CSRP3: variants seen among roughly 807,000 people sequenced by gnomAD.
The protein encoded by CSRP3 is cysteine and glycine rich protein 3, also known as cysteine and glycine-rich protein 3.
In CSRP3, 24 loss-of-function variants were observed where a neutral mutation model predicts 24.3. The ratio of observed to expected loss-of-function variants is 0.99; its 90% CI spans 0.71 to 1.39. The LOEUF (loss-of-function observed/expected upper bound fraction) is 1.39. Among genes scored for constraint, CSRP3 ranks in the 40% most tolerant of loss-of-function variants. CSRP3 has a pLI of 0.00. For missense variants in CSRP3, 240 were observed against 249.0 expected, an observed-to-expected ratio of 0.96 and a Z score of 0.24; for synonymous variants, 105 against 94.0, an observed-to-expected ratio of 1.12 and a Z score of -0.68.
intron 1 of CSRP3, among the ~76,000 whole-genome samples, chr11:19,200,789 T>C (rs1850825502): frequency 6.6e-6 from 1 of 152,204 alleles, no homozygotes; most frequent in African/African-American, 2.4e-5. Context: ...GTACCCAGCA[T>C]TGAGATTTAA....
At chr11:19,190,728 C>T (rs1406331330) in intron 2 of CSRP3, among the ~76,000 whole-genome samples, 1 of 152,176 alleles carries the variant, frequency 6.6e-6, no homozygotes, top group East Asian at 1.9e-4. Context: ...CCAGCAGCTA[C>T]AGAGTTGCCT....
At chr11:19,191,641 T>G (rs1049203583) in intron 2 of CSRP3, among the ~76,000 whole-genome samples, 2 of 152,168 alleles carry the variant, frequency 1.3e-5, no homozygotes, top group Admixed American at 1.3e-4. Flanking sequence ...GGCTTAGATG[T>G]GAGAAATGAC....
At position 19,184,954 on chromosome 11, in the gene CSRP3, T is replaced by G; in HGVS notation, c.506A>C (p.Lys169Thr). The G allele has an allele frequency of 6.2e-7, 1 of 1,608,948 alleles. No homozygotes were observed. The highest frequency in any genetic ancestry group is 8.5e-7 in the Non-Finnish European group (1 of 1,175,148). ...AGAAAGTCTCCAGAATCACTCACCT[T>G]TGCAATAAAGTTCCCCATCTTTGTC... ...VTDKDGELYCKVCYAKNFGPT... is the reference protein window; with the variant it reads ...VTDKDGELYCTVCYAKNFGPT... Residue 169 changes from lysine to threonine, a missense_variant and splice_region_variant, in exon 5 of 6, where the codon AAA (lysine) becomes ACA (threonine). Lys to Thr is a moderately conservative substitution (Grantham distance 78). Transcript: ENST00000265968.
chr11:19,184,194 C>T (rs1850486372), intron 5 of CSRP3, among the ~76,000 whole-genome samples: 1 of 152,202 alleles, frequency 6.6e-6, no homozygotes, highest in Admixed American at 6.5e-5. Context: ...TCACTTCATT[C>T]CAACATACTC....
chr11:19,197,083 G>A (rs895478723), intron 1 of CSRP3, among the ~76,000 whole-genome samples: 3 of 152,132 alleles, frequency 2.0e-5, no homozygotes, highest in African/African-American at 7.2e-5. Context: ...TGTGTGATCT[G>A]GGAAAACCGT....
intron 1 of CSRP3, among the ~76,000 whole-genome samples, chr11:19,201,315 T>G (rs1850837098): frequency 6.6e-6 from 1 of 152,252 alleles, no homozygotes; most frequent in East Asian, 1.9e-4. Context: ...GCTGAATATC[T>G]TTGGGATACA....
At chr11:19,191,727 C>T (rs1381135491) in intron 2 of CSRP3, among the ~76,000 whole-genome samples, 2 of 152,108 alleles carry the variant, frequency 1.3e-5, no homozygotes, top group African/African-American at 4.8e-5. Context: ...AAGGTTCAAG[C>T]CACAAGGTCT....
Position 19,192,420 on chromosome 11 carries a change from C to T in CSRP3, c.29G>A (p.Cys10Tyr), listed in dbSNP as rs141980088. 4 of 1,614,198 alleles carry T rather than the reference C, an allele frequency of 2.5e-6. No homozygotes were observed. The highest frequency in any genetic ancestry group is 1.1e-5 in the South Asian group (1 of 91,082). ...GTAGACGGTCTTTTCACAGGCTCCA[C>T]ATTTTGCGCCTCCGCCCCAGTTTGG... Reference protein sequence around the residue: MPNWGGGAKCGACEKTVYHA... With the variant: MPNWGGGAKYGACEKTVYHA... The change falls in exon 2 of 6, where the codon TGT becomes TAT. Residue 10 changes from cysteine to tyrosine, a missense_variant. By Grantham distance (194) the Cys-to-Tyr change is radical (BLOSUM62 -2). Transcript: ENST00000265968.
chr11:19,189,419 G>A (rs1237995507), intron 2 of CSRP3, among the ~76,000 whole-genome samples: 1 of 152,152 alleles, frequency 6.6e-6, no homozygotes, highest in African/African-American at 2.4e-5. Flanking sequence ...ATTCTTAAAG[G>A]TTGTTTATAG....
chr11:19,187,987 A>G, intron 3 of CSRP3, 149 bp downstream of exon 3: 2 of 925,336 alleles, frequency 2.2e-6, no homozygotes, highest in Non-Finnish European at 3.5e-6. Context: ...ACATTGTTCA[A>G]ACTTGGTCAG....
chr11:19,190,215 C>A (rs928291945), intron 2 of CSRP3, among the ~76,000 whole-genome samples: 4 of 152,226 alleles, frequency 2.6e-5, no homozygotes, highest in Non-Finnish European at 5.9e-5. Context: ...TGCTCATTCC[C>A]ATCACTCCAA....
Position 19,192,510 on chromosome 11 carries a change from A to G in CSRP3, c.-28-34T>C. ...ACATAAAGCAAATACCCTACATTGA[A>G]GTGGCCCCAGGAGTGAACCAATCTC... On this transcript the variant is annotated intron_variant, in intron 1 of 5. Transcript: ENST00000265968. 3 of 1,356,474 alleles carry G rather than the reference A, an allele frequency of 2.2e-6. No homozygotes were observed. In the Admixed American group the frequency reaches 5.2e-5, roughly 23 times the overall value. The allele number at this position is 1,356,474 out of a possible 1,614,324, so 84.0% of individuals were successfully genotyped here.
At chr11:19,183,921 T>C (rs1382771110) in intron 5 of CSRP3, among the ~76,000 whole-genome samples, 3 of 152,182 alleles carry the variant, frequency 2.0e-5, no homozygotes, top group Non-Finnish European at 4.4e-5. Flanking sequence ...CGAGATCTGA[T>C]GGTTTTATAA....
intron 1 of CSRP3, among the ~76,000 whole-genome samples, chr11:19,195,741 A>C (rs1365379513): frequency 2.6e-5 from 4 of 152,112 alleles, no homozygotes; most frequent in Admixed American, 2.0e-4. Context: ...TACTTTTCAA[A>C]ATGAGAATAG....
At chr11:19,189,243 T>G (rs10766532) in intron 2 of CSRP3, among the ~76,000 whole-genome samples, 1 of 152,026 alleles carries the variant, frequency 6.6e-6, no homozygotes, top group Non-Finnish European at 1.5e-5. Flanking sequence ...TTCACTTCTA[T>G]CTGTACGTTT....
intron 1 of CSRP3, among the ~76,000 whole-genome samples, chr11:19,201,434 A>G (rs576124840): frequency 4.6e-4 from 70 of 152,344 alleles, no homozygotes; most frequent in African/African-American, 1.7e-3. Flanking sequence ...TATATATTGC[A>G]TCTAGTACAA....
At chr11:19,190,763 T>A (rs1221960645) in intron 2 of CSRP3, among the ~76,000 whole-genome samples, 1 of 152,160 alleles carries the variant, frequency 6.6e-6, no homozygotes, top group Non-Finnish European at 1.5e-5. Flanking sequence ...GATTATCTTG[T>A]GGTAATAATA....
chr11:19,185,533 C>T (rs1301429937), intron 4 of CSRP3, among the ~76,000 whole-genome samples: 2 of 152,240 alleles, frequency 1.3e-5, no homozygotes, highest in African/African-American at 4.8e-5. Context: ...TCCTCCTGCA[C>T]ATCTGCGTGT....
chr11:19,197,503 C>CTTTCTTTG (rs1017984338), intron 1 of CSRP3, among the ~76,000 whole-genome samples: 1 of 54,852 alleles, frequency 1.8e-5, no homozygotes, highest in Admixed American at 1.8e-4. Context: ...CTCTTTTCCT[C>CTTTCTTTG]TTTCTTTCTT....
Sources: gnomAD v4.1 joint callset for allele counts (sites outside exome capture counted in the v4.1 genomes callset) on GRCh38, gnomAD v4.1.1 for gene constraint, MANE v1.5 for transcripts, NCBI Gene and HGNC (gene_info 2026-07-23, HGNC 2026-07-21) for gene names.